The following TLE1 variants were observed in gnomAD, a reference collection of about 807,000 sequenced individuals.
The protein encoded by TLE1 is TLE family member 1, transcriptional corepressor, also known as transducin-like enhancer protein 1.
A neutral mutation model predicts 89.8 loss-of-function variants in TLE1; 21 were observed. That is an observed-to-expected ratio of 0.23 (90% confidence interval 0.17 to 0.34). TLE1 has a LOEUF of 0.34. TLE1 is among the 10% of genes least tolerant of loss of function. The pLI is 1.00. For synonymous variants in TLE1, 447 were observed against 407.6 expected (o/e 1.10, Z -1.16); for missense variants, 795 against 1,031.2 (o/e 0.77, Z 3.14).
At chr9:81,687,618 C>T (rs1467791356) in intron 1 of TLE1, among the ~76,000 whole-genome samples, 184 bp from the exon 2 acceptor site, 2 of 152,178 alleles carry the variant, frequency 1.3e-5, no homozygotes, top group Non-Finnish European at 2.9e-5. Context: ...CCCCGGGCCC[C>T]GGCTTCTAAA....
intron 8 of TLE1, among the ~76,000 whole-genome samples, chr9:81,630,194 G>A (rs1405853931): frequency 1.3e-5 from 2 of 151,710 alleles, no homozygotes; most frequent in Admixed American, 1.3e-4. Flanking sequence ...TCAGACTTTG[G>A]TCCGAGGATC....
At chr9:81,677,856 C>T (rs181010278) in intron 4 of TLE1, among the ~76,000 whole-genome samples, 54 of 152,302 alleles carry the variant, frequency 3.5e-4, no homozygotes, top group Middle Eastern at 6.8e-3. Flanking sequence ...GGATGATCAG[C>T]AAGCTACATA....
chr9:81,632,474 CCTTTTTTTT>C (rs1415491542), intron 8 of TLE1, among the ~76,000 whole-genome samples: 2 of 73,392 alleles, frequency 2.7e-5, no homozygotes, highest in African/African-American at 4.7e-5. Flanking sequence ...GTTCAGTATC[CCTTTTTTTT>C]TTTTTTTTTT....
chr9:81,657,793 C>T (rs1243886810), intron 4 of TLE1, among the ~76,000 whole-genome samples: 2 of 151,696 alleles, frequency 1.3e-5, no homozygotes, highest in African/African-American at 4.8e-5. Flanking sequence ...TTTAAATCAT[C>T]TCCAGATTAC....
chr9:81,659,699 T>A (rs1176362576), intron 4 of TLE1, among the ~76,000 whole-genome samples: 1 of 152,122 alleles, frequency 6.6e-6, no homozygotes, highest in Non-Finnish European at 1.5e-5. Context: ...TTAGCCCTCA[T>A]CATCCAAAAA....
At chr9:81,611,449 T>TA (rs1299063774) in intron 13 of TLE1, among the ~76,000 whole-genome samples, 2 of 151,862 alleles carry the variant, frequency 1.3e-5, no homozygotes, top group African/African-American at 2.4e-5. Context: ...CGCCTTCAAA[T>TA]AAAAAAAATC....
chr9:81,660,162 T>C (rs1830588948), intron 4 of TLE1, among the ~76,000 whole-genome samples: 1 of 152,124 alleles, frequency 6.6e-6, no homozygotes, highest in Non-Finnish European at 1.5e-5. Context: ...TACTAAATAC[T>C]GTGACACATT....
intron 18 of TLE1, among the ~76,000 whole-genome samples, chr9:81,585,003 T>TCC (rs1828171362): frequency 2.0e-5 from 2 of 97,768 alleles, no homozygotes; most frequent in Non-Finnish European, 4.6e-5. Flanking sequence ...TCCATCCATC[T>TCC]ATGCATACTG....
At chr9:81,669,421 C>T (rs963798366) in intron 4 of TLE1, among the ~76,000 whole-genome samples, 1 of 152,222 alleles carries the variant, frequency 6.6e-6, no homozygotes, top group African/African-American at 2.4e-5. Flanking sequence ...AAATAACCTT[C>T]TAAGCCACAG....
chr9:81,585,681 C>A (rs1171375116), intron 17 of TLE1, 26 bp from the exon 18 acceptor site: 33 of 1,611,346 alleles, frequency 2.0e-5, no homozygotes, highest in African/African-American at 2.7e-5. Context: ...CAGGCTCACT[C>A]ATTATTCCGC....
chr9:81,678,915 T>C (rs759119505), intron 4 of TLE1, among the ~76,000 whole-genome samples: 3 of 151,940 alleles, frequency 2.0e-5, no homozygotes, highest in Non-Finnish European at 4.4e-5. Flanking sequence ...CTGAGGAAGG[T>C]GGATCACCTG....
At chr9:81,658,774 C>T (rs545499525) in intron 4 of TLE1, among the ~76,000 whole-genome samples, 2 of 152,300 alleles carry the variant, frequency 1.3e-5, no homozygotes, top group African/African-American at 4.8e-5. Flanking sequence ...GTCTGGATTG[C>T]AGCAGCATAC....
intron 4 of TLE1, among the ~76,000 whole-genome samples, chr9:81,656,183 G>A (rs1229703203): frequency 6.6e-6 from 1 of 152,250 alleles, no homozygotes; most frequent in Middle Eastern, 3.4e-3. Context: ...ACAGAACTGG[G>A]TCAGCCCCAC....
chr9:81,663,766 A>G (rs962575698), intron 4 of TLE1, among the ~76,000 whole-genome samples: 7 of 151,756 alleles, frequency 4.6e-5, no homozygotes, highest in Non-Finnish European at 7.4e-5. Flanking sequence ...AGCTGGGACT[A>G]CAGGCACCTG....
At chr9:81,676,643 G>C (rs2133048990) in intron 4 of TLE1, among the ~76,000 whole-genome samples, 1 of 152,290 alleles carries the variant, frequency 6.6e-6, no homozygotes, top group Non-Finnish European at 1.5e-5. Context: ...CAGGCTATGA[G>C]GGACAAAGAG....
Position 81,616,628 on chromosome 9 carries a change from G to A in TLE1, c.765+18C>T. On this transcript the variant is annotated intron_variant, in intron 10 of 19. Transcript: ENST00000376499. The stretch of plus-strand genomic sequence containing the variant: ...TCAAATCATTCTGAAGACAAACTTT[G>A]ATGAAAAGAATGGTTACCTCATTAG... The A allele has an allele frequency of 6.2e-7, 1 of 1,612,344 alleles. No individual in the cohort carries two copies. Among genetic ancestry groups the A allele is most frequent in the Non-Finnish European group, 8.5e-7 (1 of 1,179,070 alleles).
intron 14 of TLE1, among the ~76,000 whole-genome samples, chr9:81,609,407 G>A (rs1201562648): frequency 6.6e-6 from 1 of 152,202 alleles, no homozygotes; most frequent in Non-Finnish European, 1.5e-5. Flanking sequence ...TATCTTAGGA[G>A]AAGGCAGAGT....
chr9:81,686,667 G>A (rs780934741), intron 2 of TLE1, among the ~76,000 whole-genome samples: 2 of 152,114 alleles, frequency 1.3e-5, no homozygotes, highest in Non-Finnish European at 2.9e-5. Flanking sequence ...AACCTTTCTG[G>A]GAAGTTCACT....
intron 8 of TLE1, among the ~76,000 whole-genome samples, chr9:81,632,022 G>A (rs986493479): frequency 3.9e-5 from 6 of 152,086 alleles, no homozygotes; most frequent in Non-Finnish European, 4.4e-5. Flanking sequence ...CCCAGGAGGC[G>A]GAGGTTGCAG....
Sources: allele counts gnomAD v4.1 joint callset (sites outside exome capture counted in the v4.1 genomes callset), GRCh38; gene constraint gnomAD v4.1.1; transcripts MANE v1.5; gene names NCBI Gene and HGNC (gene_info 2026-07-23, HGNC 2026-07-21).